Variants in GRM7 observed in about 807,000 individuals in gnomAD.
GRM7 encodes the protein metabotropic glutamate receptor 7.
In GRM7, 35 loss-of-function variants were observed where a neutral mutation model predicts 84.5. That is an observed-to-expected ratio of 0.41 (90% CI 0.32 to 0.55). The LOEUF is 0.55. GRM7 is among the 20% of genes least tolerant of loss of function. The pLI is 0.19. For missense variants in GRM7, 1,003 were observed against 1,194.6 expected, an observed-to-expected ratio of 0.84 and a Z score of 2.36; for synonymous variants, 487 against 455.1, an observed-to-expected ratio of 1.07 and a Z score of -0.89.
At chr3:6,948,663 T>G (rs2125065928) in intron 1 of GRM7, among the ~76,000 whole-genome samples, 1 of 152,216 alleles carries the variant, frequency 6.6e-6, no homozygotes, top group East Asian at 1.9e-4. Context: ...AGTGTTAAAG[T>G]CTCCCATTAT....
chr3:7,046,678 G>A (rs1481923946), intron 1 of GRM7, among the ~76,000 whole-genome samples: 3 of 152,062 alleles, frequency 2.0e-5, no homozygotes, highest in South Asian at 4.1e-4. Flanking sequence ...TAAGAGTTAA[G>A]TGAGTGAGTG....
intron 9 of GRM7, among the ~76,000 whole-genome samples, chr3:7,716,869 C>T (rs557342274): frequency 6.6e-6 from 1 of 152,246 alleles, no homozygotes; most frequent in African/African-American, 2.4e-5. Flanking sequence ...TTCTGGTTGA[C>T]CTGGGGTTAC....
At chr3:7,291,847 ATAATTCCC>A (rs1317241618) in intron 2 of GRM7, among the ~76,000 whole-genome samples, 3 of 152,150 alleles carry the variant, frequency 2.0e-5, no homozygotes, top group Non-Finnish European at 4.4e-5. Context: ...TGTAGCTCCC[ATAATTCCC>A]ACATGTTGTG....
chr3:7,386,666 C>T (rs1694797983), intron 4 of GRM7, among the ~76,000 whole-genome samples: 1 of 152,044 alleles, frequency 6.6e-6, no homozygotes, highest in South Asian at 2.1e-4. Context: ...ATCCAATTCA[C>T]CATTAATGGG....
At chr3:7,529,688 A>T (rs1327228791) in intron 7 of GRM7, among the ~76,000 whole-genome samples, 2 of 152,018 alleles carry the variant, frequency 1.3e-5, no homozygotes, top group Non-Finnish European at 2.9e-5. Context: ...AGGTTCATCA[A>T]CCTGCCTTAA....
chr3:7,536,050 A>G (rs1239880997), intron 7 of GRM7, among the ~76,000 whole-genome samples: 1 of 152,210 alleles, frequency 6.6e-6, no homozygotes, highest in Non-Finnish European at 1.5e-5. Flanking sequence ...GAGACAGCAT[A>G]CAAGAATGGT....
chr3:6,923,045 T>C (rs1426992226), intron 1 of GRM7, among the ~76,000 whole-genome samples: 1 of 152,166 alleles, frequency 6.6e-6, no homozygotes, highest in Non-Finnish European at 1.5e-5. Context: ...CAACGGAGTC[T>C]TGCTCTGTTG....
At chr3:7,622,481 G>A (rs779226235) in intron 8 of GRM7, among the ~76,000 whole-genome samples, 1 of 152,024 alleles carries the variant, frequency 6.6e-6, no homozygotes, top group Non-Finnish European at 1.5e-5. Flanking sequence ...GTGGTCAGAT[G>A]GGGGAGACAG....
chr3:6,932,817 C>T (rs1175365960), intron 1 of GRM7, among the ~76,000 whole-genome samples: 3 of 141,780 alleles, frequency 2.1e-5, no homozygotes, highest in African/African-American at 8.0e-5. Flanking sequence ...TGCAATGGCG[C>T]GATCTCGGCT....
chr3:7,636,230 T>C, intron 8 of GRM7: 1 of 456,708 alleles, frequency 2.2e-6, no homozygotes, highest in Non-Finnish European at 4.4e-6. Context: ...CTTTGTAATG[T>C]CTTCTCTTAC....
At chr3:7,018,129 C>A (rs941719361) in intron 1 of GRM7, among the ~76,000 whole-genome samples, 14 of 152,228 alleles carry the variant, frequency 9.2e-5, no homozygotes, top group Non-Finnish European at 1.5e-4. Context: ...TTTAATAGTA[C>A]ATTTTATTTG....
intron 1 of GRM7, among the ~76,000 whole-genome samples, chr3:6,957,274 G>C (rs1274669386): frequency 6.6e-6 from 1 of 152,182 alleles, no homozygotes; most frequent in South Asian, 2.1e-4. Context: ...CCAGGACTCA[G>C]AGCTTTCCAT....
chr3:7,098,277 GTTGGGTCC>G (rs1698926768), intron 1 of GRM7, among the ~76,000 whole-genome samples: 1 of 151,970 alleles, frequency 6.6e-6, no homozygotes, highest in Non-Finnish European at 1.5e-5. Context: ...ACAGTTATTT[GTTGGGTCC>G]TTGCATGTTA....
chr3:7,333,383 A>C (rs1268914333), intron 4 of GRM7, among the ~76,000 whole-genome samples: 1 of 152,174 alleles, frequency 6.6e-6, no homozygotes, highest in African/African-American at 2.4e-5. Flanking sequence ...CCAGAAGGGC[A>C]ATAAAAATCA....
intron 7 of GRM7, among the ~76,000 whole-genome samples, chr3:7,490,059 G>A (rs535687999): frequency 2.1e-4 from 32 of 151,624 alleles, no homozygotes; most frequent in South Asian, 1.9e-3. Flanking sequence ...AAAAATTCTC[G>A]AACACTTATA....
intron 9 of GRM7, among the ~76,000 whole-genome samples, chr3:7,685,526 G>T (rs535353739): frequency 1.5e-3 from 224 of 152,180 alleles, no homozygotes; most frequent in African/African-American, 4.8e-3. Flanking sequence ...AACTCACTCT[G>T]GGATAGAGAC....
intron 1 of GRM7, among the ~76,000 whole-genome samples, chr3:7,126,079 G>A (rs1693389299): frequency 6.6e-6 from 1 of 152,138 alleles, no homozygotes; most frequent in African/African-American, 2.4e-5. Context: ...AACAGGATCA[G>A]GACAGCCTGG....
chr3:7,470,241 T>C (rs1462766333), intron 7 of GRM7, among the ~76,000 whole-genome samples: 1 of 152,216 alleles, frequency 6.6e-6, no homozygotes, highest in Non-Finnish European at 1.5e-5. Context: ...TAACTTTTTA[T>C]TGATAGTCTC....
At chr3:6,909,601 G>T (rs1390595161) in intron 1 of GRM7, among the ~76,000 whole-genome samples, 1 of 152,014 alleles carries the variant, frequency 6.6e-6, no homozygotes, top group African/African-American at 2.4e-5. Flanking sequence ...TTAACTAAAA[G>T]TACTGAGATT....
Sources: gnomAD v4.1 joint callset for allele counts (sites outside exome capture counted in the v4.1 genomes callset) on GRCh38, gnomAD v4.1.1 for gene constraint, MANE v1.5 for transcripts, NCBI Gene and HGNC (gene_info 2026-07-23, HGNC 2026-07-21) for gene names.